The following FSD1 variants were observed in gnomAD, a reference collection of about 807,000 sequenced individuals.
FSD1 encodes fibronectin type III and SPRY domain containing 1, also known as fibronectin type III and SPRY domain-containing protein 1.
A neutral mutation model predicts 58.2 loss-of-function variants in FSD1; 23 were observed. That is an observed-to-expected ratio of 0.40 (90% confidence interval 0.28 to 0.56). FSD1 has a LOEUF of 0.56. Among genes scored for constraint, FSD1 ranks in the 20% least tolerant of loss-of-function variants. The pLI is 0.54. For synonymous variants in FSD1, 265 were observed against 263.4 expected (o/e 1.01, Z -0.06); for missense variants, 563 against 670.8 (o/e 0.84, Z 1.78).
rs1355749044 is a variant in FSD1 at position 4,323,655 on chromosome 19, C to T, written c.*12C>T. On this transcript the variant is annotated 3_prime_UTR_variant, in exon 13 of 13. Transcript: ENST00000221856. The surrounding 1 kb of genome is among the most constrained non-coding windows in gnomAD (Gnocchi z 7.7). ...CCAGCCTCACCTAGGCCCCCAGGCA[C>T]CCACCCAGCTGGGGTGTTTTTGGGG... 2 of 1,591,700 alleles carry T rather than the reference C, an allele frequency of 1.3e-6. No individual in the cohort carries two copies. Among genetic ancestry groups the T allele is most frequent in the South Asian group, 2.2e-5 (2 of 90,008 alleles).
chr19:4,305,853 T>TGTGCACGTGTGTACATGTGC (rs1971613759), intron 1 of FSD1, 93 bp from the exon 2 acceptor site: 3 of 879,176 alleles, frequency 3.4e-6, no homozygotes, highest in Non-Finnish European at 5.8e-6. Context: ...TGTGCATGTG[T>TGTGCACGTGTGTACATGTGC]GTGCACGTGT....
At chr19:4,312,968 C>T (rs1158863757) in intron 7 of FSD1, among the ~76,000 whole-genome samples, 1 of 151,836 alleles carries the variant, frequency 6.6e-6, no homozygotes, top group Non-Finnish European at 1.5e-5. Flanking sequence ...GAGCAGGGAA[C>T]AAAGCAGACA....
rs11665857 is a variant in FSD1 at position 4,318,959 on chromosome 19, A to G, written c.1039+8A>G. ...AGTCCTACACAGTTCTGGGTAAGGA[A>G]GGGGAGAAGAAAGGGGAGAGGGGAG... On this transcript the variant is annotated splice_region_variant and intron_variant, in intron 10 of 12. Transcript: ENST00000221856. 5 of 1,611,186 alleles carry G rather than the reference A, an allele frequency of 3.1e-6. No individual in the cohort carries two copies. The highest frequency in any genetic ancestry group is 3.4e-6 in the Non-Finnish European group (4 of 1,177,996).
Position 4,310,291 on chromosome 19 carries a change from G to A in FSD1, c.364G>A (p.Asp122Asn). The A allele has an allele frequency of 6.2e-7, 1 of 1,614,210 alleles. No homozygotes were observed. Among genetic ancestry groups the A allele is most frequent in the African/African-American group, 1.3e-5 (1 of 75,072 alleles). ...DFPQAAKQIK[D>N]GVTMAPAFRL... ...TCTCTAGGCTGCCAAGCAAATCAAA[G>A]ATGGGTAAGACACTGGGGTCTGGCC... The change falls in exon 5 of 13, where the codon GAT becomes AAT. Residue 122 changes from aspartate (D) to asparagine (N), a missense_variant. Physicochemically the swap from Asp to Asn is conservative, Grantham distance 23. Transcript: ENST00000221856.
Position 4,305,951 on chromosome 19 carries a change from C to G in FSD1, c.21C>G (p.Ala7=). 1 of 1,613,590 alleles carries G rather than the reference C, an allele frequency of 6.2e-7. No individual in the cohort carries two copies. The highest frequency in any genetic ancestry group is 2.2e-5 in the East Asian group (1 of 44,882). The change falls in exon 2 of 13, where the codon GCC becomes GCG. Residue 7 remains alanine (A), a synonymous_variant. Transcript: ENST00000221856. MEEQRE[A]LRKIIKTLAV... ...CCACACTTCTGGTGGTGCAGGAGGC[C>G]CTGAGGAAGATCATCAAAACACTGG...
Position 4,318,853 on chromosome 19 carries a change from C to A in FSD1, c.960-19C>A. ...TTGAACTGAGCCTCCTGAGCCTGCC[C>A]ACTCCCTGCCCACCACAGAGGTACT... On this transcript the variant is annotated intron_variant, in intron 9 of 12. Coordinates refer to ENST00000221856, the MANE Select transcript of FSD1 (RefSeq NM_024333.3). 1 of 1,606,862 alleles carries A rather than the reference C, an allele frequency of 6.2e-7. No individual in the cohort carries two copies. Among genetic ancestry groups the A allele is most frequent in the Non-Finnish European group, 8.5e-7 (1 of 1,173,882 alleles).
At chr19:4,310,660 C>T in intron 6 of FSD1, 64 bp downstream of exon 6, 1 of 1,560,604 alleles carries the variant, frequency 6.4e-7, no homozygotes, top group African/African-American at 1.4e-5. Flanking sequence ...CTAGGAGGCC[C>T]TGAAACAGGA....
chr19:4,304,912 T>C, intron 1 of FSD1, 151 bp downstream of exon 1: 1 of 369,140 alleles, frequency 2.7e-6, no homozygotes, highest in African/African-American at 2.8e-5. Flanking sequence ...CGCCCGGATC[T>C]AGCCCCCCTA....
chr19:4,319,535 A>C (rs149930372), intron 10 of FSD1, among the ~76,000 whole-genome samples: 1 of 152,278 alleles, frequency 6.6e-6, no homozygotes, highest in Non-Finnish European at 1.5e-5. Flanking sequence ...GGCTAAAAGT[A>C]TGAGGAAGTC....
rs181354641 is a variant in FSD1, at chr19:4,311,410, G to A, written c.491-432G>A. On this transcript the variant is annotated intron_variant, in intron 6 of 12. Coordinates refer to ENST00000221856, the MANE Select transcript of FSD1 (RefSeq NM_024333.3). ...CCTTAGCGTCTCCATGGCCGGGCGC[G>A]GTGACTCACGCCTGGAATCCCAGCA... 5.0e-4 allele frequency: 89 copies of A among 179,736 alleles called. No homozygotes were observed. In the East Asian group the frequency reaches 0.014, roughly 28 times the overall value. The allele number at this position is 179,736 out of a possible 1,614,324, so 11.1% of individuals were successfully genotyped here.
chr19:4,320,950 GAAT>G (rs1288937698), intron 10 of FSD1, among the ~76,000 whole-genome samples: 4 of 148,044 alleles, frequency 2.7e-5, no homozygotes, highest in African/African-American at 7.5e-5. Flanking sequence ...ATCTGGAGGG[GAAT>G]CGCTGGGACT....
chr19:4,315,301 ATTTTTTTT>A (rs1219053251), intron 7 of FSD1, among the ~76,000 whole-genome samples: 1 of 79,576 alleles, frequency 1.3e-5, no homozygotes, highest in Non-Finnish European at 2.3e-5. Flanking sequence ...CGCCTGGTTA[ATTTTTTTT>A]TTTTTTTTTT....
At position 4,310,492 on chromosome 19, in the gene FSD1, C is replaced by T. The variant is rs1360599399; in HGVS notation, c.386C>T (p.Ala129Val). Residue 129 changes from alanine (A) to valine (V), a missense_variant, in exon 6 of 13, where the codon GCC (alanine) becomes GTC (valine). Physicochemically the swap from Ala to Val is moderately conservative, Grantham distance 64. Coordinates refer to ENST00000221856, the MANE Select transcript of FSD1 (RefSeq NM_024333.3). Reference sequence around the variant, plus strand: ...TCCTGCAGAGTGACCATGGCCCCTGCCTTCCGGCTATCATTGAAAGCGAAG... The same window carrying T: ...TCCTGCAGAGTGACCATGGCCCCTGTCTTCCGGCTATCATTGAAAGCGAAG... ...QIKDGVTMAP[A>V]FRLSLKAKVS... 1.2e-6 allele frequency: 2 copies of T among 1,612,894 alleles called. No individual in the cohort carries two copies. The highest frequency in any genetic ancestry group is 2.2e-5 in the South Asian group (2 of 91,046).
Position 4,311,968 on chromosome 19 carries a change from A to C in FSD1, c.617A>C (p.Asn206Thr). 6.2e-7 allele frequency: 1 copy of C among 1,610,510 alleles called. No homozygotes were observed. The highest frequency in any genetic ancestry group is 8.5e-7 in the Non-Finnish European group (1 of 1,179,828). The change falls in exon 7 of 13, where the codon AAC becomes ACC. Residue 206 changes from asparagine to threonine, a missense_variant. Asn to Thr is a moderately conservative substitution (Grantham distance 65). Coordinates refer to ENST00000221856, the MANE Select transcript of FSD1 (RefSeq NM_024333.3). ...TACGTGCTGGAGTACCGGCGGACCA[A>C]CTTCGAGGGCCCGCCCCGCCTCAAG... The part of the protein sequence containing the change: ...DHYVLEYRRT[N>T]FEGPPRLKED...
rs192099404 is a variant in FSD1 at position 4,315,195 on chromosome 19, G to A, written c.701-1987G>A. 4.6e-4 allele frequency among the ~76,000 whole-genome samples: 69 copies of A among 151,634 alleles called. No homozygotes were observed. In the East Asian group the frequency reaches 0.012, roughly 27 times the overall value. On this transcript the variant is annotated intron_variant, in intron 7 of 12. Coordinates refer to ENST00000221856, the MANE Select transcript of FSD1 (RefSeq NM_024333.3). Reference sequence around the variant, plus strand: ...AGCTGGAGTACAGTGGCTTGATCTCGGCTCTCTGCAACCTCTGCCTCCCAG... The same window carrying A: ...AGCTGGAGTACAGTGGCTTGATCTCAGCTCTCTGCAACCTCTGCCTCCCAG...
intron 4 of FSD1, among the ~76,000 whole-genome samples, chr19:4,308,423 A>G (rs10418810): frequency 0.12 from 17,683 of 152,032 alleles, 1,782 homozygotes; most frequent in African/African-American, 0.27. Flanking sequence ...CAAAGAAAAA[A>G]AGAAAAGAAA....
At position 4,323,460 on chromosome 19, in the gene FSD1, G is replaced by C. The variant is rs747036582; in HGVS notation, c.1380+24G>C. 16 of 1,607,078 alleles carry C rather than the reference G, an allele frequency of 1.0e-5. No individual in the cohort carries two copies. Among genetic ancestry groups the C allele is most frequent in the Middle Eastern group, 1.6e-4 (1 of 6,070 alleles). ...CGGTGAGCTGCCCTCCGCGGCCCAG[G>C]GGGAGGAGAGGGTGGTGCTGGGCGC... On this transcript the variant is annotated intron_variant, in intron 12 of 12. Coordinates refer to ENST00000221856, the MANE Select transcript of FSD1 (RefSeq NM_024333.3). The surrounding 1 kb of genome is among the most constrained non-coding windows in gnomAD (Gnocchi z 7.7).
At chr19:4,311,759 T>C in intron 6 of FSD1, 83 bp from the exon 7 acceptor site, 1 of 1,283,216 alleles carries the variant, frequency 7.8e-7, no homozygotes, top group Non-Finnish European at 1.1e-6. Flanking sequence ...GTCCAACATG[T>C]GGTTGGGCAG....
At chr19:4,316,378 C>T (rs376299801) in intron 7 of FSD1, among the ~76,000 whole-genome samples, 1 of 151,376 alleles carries the variant, frequency 6.6e-6, no homozygotes, top group Non-Finnish European at 1.5e-5. Flanking sequence ...CCACCCCCCG[C>T]CCCCACCAAT....
Sources: allele counts gnomAD v4.1 joint callset (sites outside exome capture counted in the v4.1 genomes callset), GRCh38; gene constraint gnomAD v4.1.1; non-coding constraint Gnocchi (gnomAD v3.1); transcripts MANE v1.5; gene names NCBI Gene and HGNC (gene_info 2026-07-23, HGNC 2026-07-21).